The following DCBLD1 variants were observed in gnomAD, a reference collection of about 807,000 sequenced individuals.
DCBLD1 encodes the protein discoidin, CUB and LCCL domain-containing protein 1.
A neutral mutation model predicts 71.5 loss-of-function variants in DCBLD1; 57 were observed. The ratio of observed to expected loss-of-function variants is 0.80; its 90% CI spans 0.64 to 0.99. DCBLD1 has a LOEUF of 0.99. DCBLD1 is among the 50% of genes least tolerant of loss of function. The probability of loss-of-function intolerance (pLI) is 0.00; values close to 1 mark genes in which losing one functional copy is unlikely to be tolerated. For missense variants in DCBLD1, 891 were observed against 923.5 expected (o/e 0.96, Z 0.46); for synonymous variants, 380 against 363.8 (o/e 1.04, Z -0.51).
At chr6:117,521,991 G>A (rs894113058) in intron 4 of DCBLD1, among the ~76,000 whole-genome samples, 3 of 152,154 alleles carry the variant, frequency 2.0e-5, no homozygotes, top group African/African-American at 4.8e-5. Context: ...AATCATTACC[G>A]AGTCTAGACT....
intron 11 of DCBLD1, 93 bp downstream of exon 11, chr6:117,541,118 T>C: frequency 8.6e-7 from 1 of 1,156,540 alleles, no homozygotes; most frequent in Non-Finnish European, 1.3e-6. Flanking sequence ...TTCTCTGTCA[T>C]ATAAACATTG....
chr6:117,515,489 A>G (rs1778164459), intron 2 of DCBLD1, among the ~76,000 whole-genome samples: 1 of 152,240 alleles, frequency 6.6e-6, no homozygotes, highest in South Asian at 2.1e-4. Context: ...ACTTCACAAT[A>G]TTCATCCTTA....
intron 14 of DCBLD1, among the ~76,000 whole-genome samples, chr6:117,558,203 C>T (rs1206409414): frequency 6.6e-6 from 1 of 152,212 alleles, no homozygotes; most frequent in African/African-American, 2.4e-5. Context: ...AACTCAGCAA[C>T]TCTTAACACT....
chr6:117,508,551 T>C (rs1777913051), intron 2 of DCBLD1, among the ~76,000 whole-genome samples: 1 of 152,178 alleles, frequency 6.6e-6, no homozygotes, highest in South Asian at 2.1e-4. Flanking sequence ...ACTTTACAGC[T>C]CTTTAGTGAC....
intron 7 of DCBLD1, among the ~76,000 whole-genome samples, chr6:117,537,635 TTC>T (rs1463134465): frequency 3.0e-4 from 44 of 148,738 alleles, no homozygotes; most frequent in East Asian, 2.9e-3. Flanking sequence ...TTTTTTTTTT[TTC>T]CTTTTTTCTC....
At chr6:117,543,466 G>A (rs1049228863) in intron 12 of DCBLD1, among the ~76,000 whole-genome samples, 43 of 152,092 alleles carry the variant, frequency 2.8e-4, no homozygotes, top group African/African-American at 1.0e-3. Flanking sequence ...TCAAACTCCT[G>A]GGCTCAAGCA....
At chr6:117,554,323 G>C (rs1003001108), downstream of DCBLD1, among the ~76,000 whole-genome samples, 1 of 152,230 alleles carries the variant, frequency 6.6e-6, no homozygotes, top group Admixed American at 6.5e-5. Flanking sequence ...CTTTTAGGCA[G>C]AGATAGATTT....
chr6:117,488,630 G>A (rs1265915615), intron 1 of DCBLD1, among the ~76,000 whole-genome samples: 1 of 152,226 alleles, frequency 6.6e-6, no homozygotes, highest in Non-Finnish European at 1.5e-5. Context: ...GGGCAACAGA[G>A]TGAGACCTTG....
intron 4 of DCBLD1, among the ~76,000 whole-genome samples, chr6:117,523,993 G>C (rs1334760102): frequency 6.6e-6 from 1 of 152,016 alleles, no homozygotes; most frequent in Non-Finnish European, 1.5e-5. Context: ...TTCATATCTT[G>C]TTGATATGTT....
At chr6:117,495,358 A>C (rs1187040714) in intron 1 of DCBLD1, among the ~76,000 whole-genome samples, 1 of 152,226 alleles carries the variant, frequency 6.6e-6, no homozygotes, top group Non-Finnish European at 1.5e-5. Context: ...TTGATACTTT[A>C]ATAATGTGTA....
At chr6:117,521,444 T>C in intron 3 of DCBLD1, 81 bp from the exon 4 acceptor site, 1 of 1,251,012 alleles carries the variant, frequency 8.0e-7, no homozygotes, top group Non-Finnish European at 1.1e-6. Flanking sequence ...AAAACTCTTT[T>C]ATTTTAAAAG....
chr6:117,564,292 T>A (rs1779649314), intron 14 of DCBLD1, among the ~76,000 whole-genome samples: 1 of 152,194 alleles, frequency 6.6e-6, no homozygotes, highest in Non-Finnish European at 1.5e-5. Context: ...GACTTAGAAG[T>A]AATACATATA....
chr6:117,508,662 C>T (rs1777916162), intron 2 of DCBLD1, among the ~76,000 whole-genome samples: 1 of 152,148 alleles, frequency 6.6e-6, no homozygotes, highest in Admixed American at 6.5e-5. Flanking sequence ...GTTTTTGCCC[C>T]CACTGCCTGT....
At chr6:117,491,686 G>A (rs1336927142) in intron 1 of DCBLD1, among the ~76,000 whole-genome samples, 2 of 152,114 alleles carry the variant, frequency 1.3e-5, no homozygotes, top group Admixed American at 1.3e-4. Flanking sequence ...TTTGTACAAA[G>A]ATCCAAACAA....
intron 2 of DCBLD1, among the ~76,000 whole-genome samples, chr6:117,515,022 T>TGGG (rs1562443352): frequency 6.8e-6 from 1 of 146,900 alleles, no homozygotes; most frequent in African/African-American, 2.5e-5. Flanking sequence ...GTTTGTGGGT[T>TGGG]TTTTTTTTTT....
chr6:117,521,778 G>A (rs539243578), intron 4 of DCBLD1, among the ~76,000 whole-genome samples: 1 of 152,254 alleles, frequency 6.6e-6, no homozygotes, highest in South Asian at 2.1e-4. Flanking sequence ...AATATTTCAG[G>A]TTTTCCAGGC....
In DCBLD1 at chr6:117,548,711, C is replaced by G. The variant is rs1457471549; in HGVS notation, c.*272C>G. Reference sequence around the variant, plus strand: ...TCAGATGGCGTTTTCATTCCTCTGACTGATATTGAGCTGCTTTGGTGTTAA... The same window carrying G: ...TCAGATGGCGTTTTCATTCCTCTGAGTGATATTGAGCTGCTTTGGTGTTAA... On this transcript the variant is annotated 3_prime_UTR_variant, in exon 15 of 15. Transcript: ENST00000338728. The G allele has an allele frequency of 1.5e-5, 21 of 1,379,028 alleles. No homozygotes were observed. The East Asian group carries it at 6.0e-4, about 40-fold the overall frequency. 85.4% of individuals were successfully genotyped at this position (1,379,028 alleles called of 1,614,324 possible).
chr6:117,532,408 T>TC lies in DCBLD1; in HGVS notation c.719+16dup. 1.3e-6 allele frequency: 2 copies of TC among 1,593,362 alleles called. No individual in the cohort carries two copies. The highest frequency in any genetic ancestry group is 1.7e-6 in the Non-Finnish European group (2 of 1,172,132). On this transcript the variant is annotated intron_variant, in intron 6 of 14. Coordinates refer to ENST00000338728, the MANE Select transcript of DCBLD1 (RefSeq NM_001366458.2). ...CTTTCGAGGGAGTAAGTATTTTTTT[T>TC]CAGTATCGTTTGTTCTGAGTAGAAG...
chr6:117,497,518 C>A (rs185547484), intron 1 of DCBLD1, among the ~76,000 whole-genome samples: 45 of 152,226 alleles, frequency 3.0e-4, no homozygotes, highest in Non-Finnish European at 5.3e-4. Flanking sequence ...GCTTGTATAT[C>A]GACAACTCTT....
Sources: gnomAD v4.1 joint callset for allele counts (sites outside exome capture counted in the v4.1 genomes callset) on GRCh38, gnomAD v4.1.1 for gene constraint, MANE v1.5 for transcripts, NCBI Gene and HGNC (gene_info 2026-07-23, HGNC 2026-07-21) for gene names.